Variants in SCUBE2 observed in about 807,000 individuals in gnomAD.
SCUBE2 encodes signal peptide, CUB domain and EGF like domain containing 2.
SCUBE2 carries 114 observed loss-of-function variants against 125.9 expected under a neutral mutation model. That is an observed-to-expected ratio of 0.91 (90% CI 0.78 to 1.06). The LOEUF (loss-of-function observed/expected upper bound fraction) is 1.06, where lower values mean the gene tolerates loss of function less well. Among genes scored for constraint, SCUBE2 ranks in the 50% least tolerant of loss-of-function variants. The probability of loss-of-function intolerance (pLI) is 0.00; values close to 1 mark genes in which losing one functional copy is unlikely to be tolerated. For missense variants in SCUBE2, 1,255 were observed against 1,301.8 expected, an observed-to-expected ratio of 0.96 and a Z score of 0.55; for synonymous variants, 459 against 492.9, an observed-to-expected ratio of 0.93 and a Z score of 0.91.
At chr11:9,088,530 G>A (rs1862319597) in intron 2 of SCUBE2, among the ~76,000 whole-genome samples, 1 of 152,200 alleles carries the variant, frequency 6.6e-6, no homozygotes, top group Admixed American at 6.5e-5. Context: ...ATCTAAAGAA[G>A]TTAATATGTT....
intron 4 of SCUBE2, among the ~76,000 whole-genome samples, chr11:9,074,058 T>C (rs1401448039): frequency 6.6e-6 from 1 of 152,150 alleles, no homozygotes; most frequent in African/African-American, 2.4e-5. Context: ...GGGCACTTCA[T>C]TGAAAGTCTG....
At chr11:9,050,416 C>T (rs899933888) in intron 14 of SCUBE2, 190 bp downstream of exon 14, 3 of 592,520 alleles carry the variant, frequency 5.1e-6, no homozygotes, top group African/African-American at 3.7e-5. Flanking sequence ...CAGAACTATA[C>T]AAGCATGCTA....
intron 2 of SCUBE2, among the ~76,000 whole-genome samples, chr11:9,079,883 T>G (rs1212128473): frequency 3.9e-5 from 6 of 152,184 alleles, no homozygotes; most frequent in African/African-American, 1.4e-4. Flanking sequence ...TACGTTATCT[T>G]CATGTAAGAA....
intron 4 of SCUBE2, among the ~76,000 whole-genome samples, chr11:9,072,158 T>A (rs1860849786): frequency 6.6e-6 from 1 of 152,236 alleles, no homozygotes; most frequent in Non-Finnish European, 1.5e-5. Context: ...TACCTTCTTT[T>A]AATCACTTTG....
chr11:9,055,833 G>A lies in SCUBE2; in HGVS notation c.1167C>T (p.Cys389=). 1 of 1,614,192 alleles carries A rather than the reference G, an allele frequency of 6.2e-7. No individual in the cohort carries two copies. Among genetic ancestry groups the A allele is most frequent in the Non-Finnish European group, 8.5e-7 (1 of 1,180,040 alleles). Reference sequence around the variant, plus strand: ...AGCCATACAGGGTGTACCCTCGGTTGCAAGCACAAGCAAATGTGCCAGGGT... The same window carrying A: ...AGCCATACAGGGTGTACCCTCGGTTACAAGCACAAGCAAATGTGCCAGGGT... ...INHPGTFACA[C]NRGYTLYGFT... Residue 389 remains cysteine (C), a synonymous_variant, in exon 10 of 23, where the codon TGC becomes TGT. Transcript: ENST00000649792.
At chr11:9,060,038 C>A (rs186161418) in intron 8 of SCUBE2, among the ~76,000 whole-genome samples, 32 of 152,290 alleles carry the variant, frequency 2.1e-4, no homozygotes, top group Admixed American at 1.7e-3. Flanking sequence ...TCTGGATAAT[C>A]ATCTTGACTG....
intron 2 of SCUBE2, among the ~76,000 whole-genome samples, chr11:9,083,700 G>A (rs182440108): frequency 9.9e-5 from 15 of 151,908 alleles, no homozygotes; most frequent in Admixed American, 5.2e-4. Context: ...GATTACAGGC[G>A]TGCTGTAATT....
chr11:9,075,098 C>T (rs1861111901), intron 3 of SCUBE2, among the ~76,000 whole-genome samples: 1 of 151,544 alleles, frequency 6.6e-6, no homozygotes, highest in Non-Finnish European at 1.5e-5. Flanking sequence ...TGCCTGTAAT[C>T]CCAGCTACTG....
intron 1 of SCUBE2, 78 bp from the exon 2 acceptor site, chr11:9,089,907 T>C (rs1367786449): frequency 6.5e-7 from 1 of 1,540,324 alleles, no homozygotes; most frequent in Non-Finnish European, 8.8e-7. Context: ...TCTGGCATCA[T>C]CCTCACCAGC....
intron 2 of SCUBE2, among the ~76,000 whole-genome samples, chr11:9,086,870 AAAAG>A (rs1862123017): frequency 6.6e-6 from 1 of 150,778 alleles, no homozygotes; most frequent in Non-Finnish European, 1.5e-5. Context: ...AAAAAAAAAA[AAAAG>A]AGGGACATCC....
At position 9,052,839 on chromosome 11, in the gene SCUBE2, G is replaced by A; in HGVS notation, c.1448-7C>T. ...GAGTAGGCCCCTTGCAGTCCTGACAGACAGAATGTCAATTGTCAAATGCAT... is the reference window on the plus strand; with the variant it reads ...GAGTAGGCCCCTTGCAGTCCTGACAAACAGAATGTCAATTGTCAAATGCAT... On this transcript the variant is annotated splice_region_variant and splice_polypyrimidine_tract_variant and intron_variant, in intron 12 of 22. Transcript: ENST00000649792. 6.5e-7 allele frequency: 1 copy of A among 1,533,436 alleles called. No homozygotes were observed. 95.0% of individuals were successfully genotyped at this position (1,533,436 alleles called of 1,614,324 possible).
At chr11:9,038,445 C>T (rs58032533) in intron 16 of SCUBE2, among the ~76,000 whole-genome samples, 14,130 of 152,082 alleles carry the variant, frequency 0.093, 1,147 homozygotes, top group African/African-American at 0.22. Flanking sequence ...TCAAGACCAG[C>T]TTGGGAAATA....
intron 18 of SCUBE2, 27 bp from the exon 19 acceptor site, chr11:9,030,072 A>C: frequency 1.9e-6 from 3 of 1,598,054 alleles, no homozygotes; most frequent in African/African-American, 1.3e-5. Flanking sequence ...GGTGAAAAGA[A>C]TGAAAAAAAG....
At chr11:9,028,201 A>AT (rs1187326418) in intron 19 of SCUBE2, among the ~76,000 whole-genome samples, 1 of 127,492 alleles carries the variant, frequency 7.8e-6, no homozygotes, top group Non-Finnish European at 1.7e-5. Context: ...GGCCTGGCTA[A>AT]TTTTTTTTCC....
chr11:9,060,456 T>A lies in SCUBE2; in HGVS notation c.919A>T (p.Ser307Cys). The A allele has an allele frequency of 1.2e-6, 2 of 1,614,172 alleles. No homozygotes were observed. Among genetic ancestry groups the A allele is most frequent in the Non-Finnish European group, 1.7e-6 (2 of 1,179,996 alleles). Residue 307 changes from serine (S) to cysteine (C), a missense_variant, in exon 8 of 23, where the codon AGT becomes TGT. Physicochemically the swap from Ser to Cys is moderately radical, Grantham distance 112. Transcript: ENST00000649792. ...TGGAGAGTGAATCCAACAGGACAAC[T>A]GCAGTGGACACCTGTCGAAGTATCC... ...CKDTSTGVHC[S>C]CPVGFTLQLD...
intron 18 of SCUBE2, 33 bp downstream of exon 18, chr11:9,030,725 G>A (rs148472556): frequency 6.3e-7 from 1 of 1,594,622 alleles, no homozygotes; most frequent in East Asian, 2.2e-5. Context: ...GGGAAATCCA[G>A]TCCTAGAAAA....
chr11:9,020,553 AGCCT>A lies in SCUBE2; in HGVS notation c.*488_*491del, dbSNP rs1855220694. Reference sequence around the variant, plus strand: ...CCCAGGTCTCAAGGTGGGTGGAGGGAGCCTGCAGGGGTCTCCTTCCCTCCCCTCT... The same window carrying A: ...CCCAGGTCTCAAGGTGGGTGGAGGGAGCAGGGGTCTCCTTCCCTCCCCTCT... On this transcript the variant is annotated 3_prime_UTR_variant, in exon 23 of 23. Transcript: ENST00000649792. 1 of 152,038 alleles carries A rather than the reference AGCCT, an allele frequency of 6.6e-6. No individual in the cohort carries two copies. The highest frequency in any genetic ancestry group is 2.4e-5 in the African/African-American group (1 of 41,356). The allele number at this position is 152,038 out of a possible 1,614,324, so 9.4% of individuals were successfully genotyped here.
At chr11:9,044,546 G>T (rs1857519303) in intron 16 of SCUBE2, among the ~76,000 whole-genome samples, 1 of 152,114 alleles carries the variant, frequency 6.6e-6, no homozygotes, top group African/African-American at 2.4e-5. Context: ...TTTTTAAAAA[G>T]ATATATCTAT....
At chr11:9,053,489 T>A in intron 11 of SCUBE2, 148 bp downstream of exon 11, 1 of 946,590 alleles carries the variant, frequency 1.1e-6, no homozygotes, top group Non-Finnish European at 1.6e-6. Flanking sequence ...GTATCTCCTG[T>A]TTTTGAACTA....
Sources: allele counts gnomAD v4.1 joint callset (sites outside exome capture counted in the v4.1 genomes callset), GRCh38; gene constraint gnomAD v4.1.1; transcripts MANE v1.5; gene names NCBI Gene and HGNC (gene_info 2026-07-23, HGNC 2026-07-21).